HERC1: variants seen among roughly 807,000 people sequenced by gnomAD.
HERC1 encodes probable E3 ubiquitin-protein ligase HERC1.
A neutral mutation model predicts 554.3 loss-of-function variants in HERC1; 160 were observed. The observed-to-expected ratio is 0.29, with a 90% CI of 0.25 to 0.33. The LOEUF (loss-of-function observed/expected upper bound fraction) is 0.33, where lower values mean the gene tolerates loss of function less well. Ranked by LOEUF, HERC1 falls within the 10% of genes least tolerant of loss-of-function variation. The pLI, the probability that HERC1 is intolerant of heterozygous loss-of-function variation, is 1.00. For missense variants in HERC1, 4,919 were observed against 5,918.5 expected (o/e 0.83, Z 5.54); for synonymous variants, 2,175 against 2,131.7 (o/e 1.02, Z -0.56).
Position 63,608,910 on chromosome 15 carries a change from TA to T in HERC1, c.*170del, listed in dbSNP as rs1474330593. The stretch of plus-strand genomic sequence containing the variant: ...TTGTTTTTGTACAATCACAGAAAAA[TA>T]AAAACATCTAATTTCTTTGTTACAT... On this transcript the variant is annotated 3_prime_UTR_variant, in exon 78 of 78. Transcript: ENST00000443617. 3 of 523,752 alleles carry T rather than the reference TA, an allele frequency of 5.7e-6. No individual in the cohort carries two copies. The highest frequency in any genetic ancestry group is 9.1e-6 in the Non-Finnish European group (3 of 328,638). 32.4% of individuals were successfully genotyped at this position (523,752 alleles called of 1,614,324 possible).
intron 24 of HERC1, among the ~76,000 whole-genome samples, chr15:63,711,153 G>A (rs2073272094): frequency 6.6e-6 from 1 of 152,094 alleles, no homozygotes; most frequent in Non-Finnish European, 1.5e-5. Flanking sequence ...GGGCAACAGA[G>A]CAAGACATAA....
At chr15:63,651,044 G>C (rs1433007114) in intron 53 of HERC1, among the ~76,000 whole-genome samples, 1 of 152,160 alleles carries the variant, frequency 6.6e-6, no homozygotes, top group Admixed American at 6.5e-5. Context: ...ATAACTACTA[G>C]GTTAGTTGAA....
At position 63,626,007 on chromosome 15, in the gene HERC1, A is replaced by G; in HGVS notation, c.13253T>C (p.Leu4418Pro). 1 of 1,611,100 alleles carries G rather than the reference A, an allele frequency of 6.2e-7. No individual in the cohort carries two copies. Among genetic ancestry groups the G allele is most frequent in the Non-Finnish European group, 8.5e-7 (1 of 1,178,668 alleles). ...SDLMYSSWRL[L>P]NLSPNNQNST... The stretch of plus-strand genomic sequence containing the variant: ...TACCTGGTTGTTGGGGCTAAGGTTC[A>G]GCAGTCTCCAGGATGAGTACATGAG... Residue 4418 changes from leucine (L) to proline (P), a missense_variant, in exon 71 of 78, where the codon CTG (leucine) becomes CCG (proline). Leu to Pro is a moderately conservative substitution (Grantham distance 98, BLOSUM62 -3). Transcript: ENST00000443617.
intron 25 of HERC1, among the ~76,000 whole-genome samples, chr15:63,704,450 C>G (rs1216606629): frequency 6.6e-6 from 1 of 152,104 alleles, no homozygotes; most frequent in African/African-American, 2.4e-5. Context: ...ATAAACTTAA[C>G]TAATATAGTA....
intron 71 of HERC1, 97 bp from the exon 72 acceptor site, chr15:63,624,424 C>T (rs1170527363): frequency 1.0e-5 from 12 of 1,152,948 alleles, no homozygotes; most frequent in Non-Finnish European, 1.3e-5. Context: ...TGGCTGGGCG[C>T]AGTGGCTCAT....
rs1379217701 is a variant in HERC1 at position 63,645,695 on chromosome 15, G to T, written c.10879-13C>A. On this transcript the variant is annotated splice_polypyrimidine_tract_variant and intron_variant, in intron 55 of 77. Transcript: ENST00000443617. ...TAATAAGAGTATCCTTAAAATGGAA[G>T]GAAGAGAAAAAAAATCAGAGTAATG... 1 of 1,459,042 alleles carries T rather than the reference G, an allele frequency of 6.9e-7. No homozygotes were observed. The highest frequency in any genetic ancestry group is 9.2e-7 in the Non-Finnish European group (1 of 1,090,130). The allele number at this position is 1,459,042 out of a possible 1,614,324, so 90.4% of individuals were successfully genotyped here. A position where few individuals can be genotyped will look rare whatever the true frequency, so the allele number is the denominator to read the frequency against.
chr15:63,612,604 C>A lies in HERC1; in HGVS notation c.14095-48G>T. The A allele has an allele frequency of 6.4e-7, 1 of 1,569,518 alleles. No individual in the cohort carries two copies. Among genetic ancestry groups the A allele is most frequent in the Non-Finnish European group, 8.7e-7 (1 of 1,154,542 alleles). On this transcript the variant is annotated intron_variant, in intron 76 of 77. Coordinates refer to ENST00000443617, the MANE Select transcript of HERC1 (RefSeq NM_003922.4). The surrounding 1 kb of genome is among the most constrained non-coding windows in gnomAD (Gnocchi z 5.0). ...ATTCAATGAGTGTGCGTGAACCTGGCACCCACCAAGGGCCCTGTGGGGCTA... is the reference window on the plus strand; with the variant it reads ...ATTCAATGAGTGTGCGTGAACCTGGAACCCACCAAGGGCCCTGTGGGGCTA...
chr15:63,747,118 C>A (rs1414855267), intron 11 of HERC1, 35 bp from the exon 12 acceptor site: 5 of 1,565,706 alleles, frequency 3.2e-6, no homozygotes, highest in Non-Finnish European at 4.3e-6. Flanking sequence ...ATTCTCGGAT[C>A]ATAAAAGTGC....
chr15:63,789,563 C>T (rs948248712), intron 1 of HERC1, among the ~76,000 whole-genome samples: 5 of 151,560 alleles, frequency 3.3e-5, no homozygotes, highest in Admixed American at 6.6e-5. Flanking sequence ...TTCGGAAAGC[C>T]GAGGCAGGCA....
At chr15:63,636,219 C>G in intron 64 of HERC1, 77 bp from the exon 65 acceptor site, 2 of 1,297,578 alleles carry the variant, frequency 1.5e-6, no homozygotes, top group African/African-American at 1.5e-5. Context: ...CTACTGAATA[C>G]CCTCAATCAA....
chr15:63,714,460 G>A (rs1596046209), intron 22 of HERC1, among the ~76,000 whole-genome samples: 1 of 151,938 alleles, frequency 6.6e-6, no homozygotes. Context: ...AGGTTCTGAT[G>A]CAGTGGTAGA....
intron 25 of HERC1, among the ~76,000 whole-genome samples, chr15:63,700,683 T>C (rs1306586851): frequency 8.6e-5 from 11 of 127,368 alleles, no homozygotes; most frequent in African/African-American, 3.3e-4. Context: ...CACTCCAGCC[T>C]GGGTGACAGG....
chr15:63,666,173 G>A, intron 41 of HERC1, 23 bp from the exon 42 acceptor site: 1 of 1,575,882 alleles, frequency 6.3e-7, no homozygotes, highest in Non-Finnish European at 8.6e-7. Context: ...AAAACAGTCT[G>A]ATGCTGACTT....
At chr15:63,819,347 G>C (rs996995799) in intron 1 of HERC1, among the ~76,000 whole-genome samples, 1 of 152,104 alleles carries the variant, frequency 6.6e-6, no homozygotes, top group Non-Finnish European at 1.5e-5. Flanking sequence ...TCTCACAGAG[G>C]TGTTATTCAC....
intron 19 of HERC1, among the ~76,000 whole-genome samples, chr15:63,719,167 G>C (rs1258227377): frequency 6.6e-6 from 1 of 152,172 alleles, no homozygotes; most frequent in African/African-American, 2.4e-5. Flanking sequence ...AATATGACAG[G>C]TAAGTGCTAT....
At chr15:63,755,652 T>C (rs182609220) in intron 5 of HERC1, among the ~76,000 whole-genome samples, 10 of 152,196 alleles carry the variant, frequency 6.6e-5, no homozygotes, top group Non-Finnish European at 1.3e-4. Context: ...TGGTGGCGCA[T>C]GTCTATAGTC....
At chr15:63,820,091 G>A (rs1429590698) in intron 1 of HERC1, among the ~76,000 whole-genome samples, 2 of 151,964 alleles carry the variant, frequency 1.3e-5, no homozygotes, top group East Asian at 1.9e-4. Flanking sequence ...ACTTCATGTA[G>A]CACACAAGAA....
Position 63,733,155 on chromosome 15 carries a change from A to C in HERC1, c.2647-10T>G. 1 of 1,579,140 alleles carries C rather than the reference A, an allele frequency of 6.3e-7. No homozygotes were observed. The highest frequency in any genetic ancestry group is 1.1e-5 in the South Asian group (1 of 90,296). On this transcript the variant is annotated splice_polypyrimidine_tract_variant and intron_variant, in intron 13 of 77. Transcript: ENST00000443617. ...TATCCAGTTGCATTCTCTAAAGAAC[A>C]ATAAAATAGGAACAAGTAACTAGCG...
chr15:63,705,931 G>A (rs149244618), intron 25 of HERC1, among the ~76,000 whole-genome samples: 2,000 of 149,596 alleles, frequency 0.013, 23 homozygotes, highest in East Asian at 0.023. Flanking sequence ...TTGGGAGGCT[G>A]GAGTAGGAGG....
Sources: gnomAD v4.1 joint callset for allele counts (sites outside exome capture counted in the v4.1 genomes callset) on GRCh38, gnomAD v4.1.1 for gene constraint, Gnocchi (gnomAD v3.1) non-coding constraint, MANE v1.5 for transcripts, NCBI Gene and HGNC (gene_info 2026-07-23, HGNC 2026-07-21) for gene names.